Variants in ATXN7L1 observed in about 807,000 individuals in gnomAD.
ATXN7L1 encodes ataxin 7 like 1, also known as ataxin-7-like protein 1.
ATXN7L1 carries 15 observed loss-of-function variants against 70.8 expected under a neutral mutation model. The ratio of observed to expected loss-of-function variants is 0.21; its 90% CI spans 0.14 to 0.33. ATXN7L1 has a LOEUF of 0.33. Ranked by LOEUF, ATXN7L1 falls within the 10% of genes least tolerant of loss-of-function variation. The probability of loss-of-function intolerance (pLI) is 1.00; values close to 1 mark genes in which losing one functional copy is unlikely to be tolerated. For synonymous variants in ATXN7L1, 440 were observed against 445.1 expected (o/e 0.99, Z 0.14); for missense variants, 975 against 1,097.1 (o/e 0.89, Z 1.57).
At chr7:105,676,344 T>C (rs570487510) in intron 3 of ATXN7L1, among the ~76,000 whole-genome samples, 1 of 151,314 alleles carries the variant, frequency 6.6e-6, no homozygotes, top group East Asian at 1.9e-4. Flanking sequence ...AACACAGGAG[T>C]CACCACAGCT....
At chr7:105,782,929 A>T (rs1803746636) in intron 3 of ATXN7L1, among the ~76,000 whole-genome samples, 1 of 152,234 alleles carries the variant, frequency 6.6e-6, no homozygotes, top group Non-Finnish European at 1.5e-5. Flanking sequence ...CACTTGACTG[A>T]ATTGGTTTTC....
intron 2 of ATXN7L1, among the ~76,000 whole-genome samples, chr7:105,849,954 C>G (rs1814633111): frequency 6.6e-6 from 1 of 152,204 alleles, no homozygotes; most frequent in South Asian, 2.1e-4. Context: ...TTCCTTGATA[C>G]TCTATTTTTG....
intron 3 of ATXN7L1, among the ~76,000 whole-genome samples, chr7:105,685,581 C>A (rs1806083720): frequency 6.6e-6 from 1 of 152,192 alleles, no homozygotes; most frequent in South Asian, 2.1e-4. Context: ...AGTGGGTCTT[C>A]CTACCATATT....
At chr7:105,609,467 TA>T (rs1035918239) in intron 11 of ATXN7L1, among the ~76,000 whole-genome samples, 90 of 148,600 alleles carry the variant, frequency 6.1e-4, no homozygotes, top group African/African-American at 2.2e-3. Flanking sequence ...ATGCCTGGCC[TA>T]AAAAAAATTT....
At chr7:105,854,872 CTCA>C (rs1248463637) in intron 2 of ATXN7L1, among the ~76,000 whole-genome samples, 2 of 152,040 alleles carry the variant, frequency 1.3e-5, no homozygotes, top group Non-Finnish European at 2.9e-5. Flanking sequence ...GAATATAAAA[CTCA>C]TCATTTCCAA....
At chr7:105,691,652 T>C (rs1166487685) in intron 3 of ATXN7L1, 1 of 101,940 alleles carries the variant, frequency 9.8e-6, no homozygotes, top group African/African-American at 4.3e-5. Context: ...TTAGCACGGA[T>C]GTCAGTAAAA....
chr7:105,676,115 C>G (rs1222643572), intron 3 of ATXN7L1, among the ~76,000 whole-genome samples: 1 of 152,152 alleles, frequency 6.6e-6, no homozygotes, highest in Admixed American at 6.5e-5. Context: ...AGGCAAGCTG[C>G]TGCCCGAAGG....
chr7:105,619,139 A>ATTTTTTTTTTTTTTTTTTTT (rs1794365463), intron 9 of ATXN7L1, among the ~76,000 whole-genome samples: 3 of 23,578 alleles, frequency 1.3e-4, no homozygotes, highest in Admixed American at 5.0e-4. Flanking sequence ...TGAAATCTTT[A>ATTTTTTTTTTTTTTTTTTTT]GTTTTTTTTT....
chr7:105,874,530 C>G (rs1818739292), intron 2 of ATXN7L1, among the ~76,000 whole-genome samples: 1 of 152,216 alleles, frequency 6.6e-6, no homozygotes, highest in African/African-American at 2.4e-5. Flanking sequence ...CCTGAAGACA[C>G]CTGTCAAGAT....
intron 7 of ATXN7L1, among the ~76,000 whole-genome samples, chr7:105,625,816 T>A (rs117599290): frequency 0.026 from 3,944 of 151,514 alleles, 71 homozygotes; most frequent in South Asian, 0.043. Context: ...AGCAGAAGAG[T>A]TAGATGAGGA....
chr7:105,815,580 G>C (rs962559819), intron 2 of ATXN7L1, among the ~76,000 whole-genome samples: 1 of 152,198 alleles, frequency 6.6e-6, no homozygotes, highest in African/African-American at 2.4e-5. Context: ...TATTCAGACT[G>C]AGGGAAGGAC....
chr7:105,867,085 A>G (rs1455265268), intron 2 of ATXN7L1, among the ~76,000 whole-genome samples: 1 of 152,226 alleles, frequency 6.6e-6, no homozygotes, highest in African/African-American at 2.4e-5. Context: ...CAGAGACGGC[A>G]GGCCCCTGGG....
chr7:105,790,606 T>TC (rs1320463571), intron 2 of ATXN7L1, among the ~76,000 whole-genome samples: 31 of 133,658 alleles, frequency 2.3e-4, no homozygotes, highest in Admixed American at 1.3e-3. Context: ...AAGAAAAAAA[T>TC]TATCTATCTA....
intron 3 of ATXN7L1, among the ~76,000 whole-genome samples, chr7:105,687,203 G>C (rs747717901): frequency 4.6e-5 from 7 of 152,166 alleles, no homozygotes; most frequent in Non-Finnish European, 7.4e-5. Flanking sequence ...ATGCATGAGG[G>C]GAATAAACTC....
chr7:105,796,228 T>G (rs1420816749), intron 2 of ATXN7L1, among the ~76,000 whole-genome samples: 1 of 152,166 alleles, frequency 6.6e-6, no homozygotes. Flanking sequence ...GTGGGCGTGG[T>G]CGTGCGCACC....
At chr7:105,822,685 T>C (rs1489403463) in intron 2 of ATXN7L1, among the ~76,000 whole-genome samples, 7 of 152,214 alleles carry the variant, frequency 4.6e-5, no homozygotes, top group African/African-American at 1.7e-4. Context: ...ATTATCACTT[T>C]ACAAATGAGG....
At chr7:105,834,480 G>A (rs575911776) in intron 2 of ATXN7L1, among the ~76,000 whole-genome samples, 36 of 152,306 alleles carry the variant, frequency 2.4e-4, no homozygotes, top group Admixed American at 2.0e-3. Flanking sequence ...CAACAACAGA[G>A]TAATGAAAAT....
intron 2 of ATXN7L1, among the ~76,000 whole-genome samples, chr7:105,845,468 C>G (rs1388640075): frequency 2.4e-5 from 3 of 122,572 alleles, no homozygotes; most frequent in South Asian, 2.6e-4. Context: ...GGTTTGCATT[C>G]TCTAAACTGA....
At chr7:105,872,951 G>A (rs898464047) in intron 2 of ATXN7L1, among the ~76,000 whole-genome samples, 1 of 151,658 alleles carries the variant, frequency 6.6e-6, no homozygotes, top group Admixed American at 6.6e-5. Flanking sequence ...TCAGGAGATC[G>A]AGACCATCCT....
Sources: allele counts gnomAD v4.1 joint callset (sites outside exome capture counted in the v4.1 genomes callset), GRCh38; gene constraint gnomAD v4.1.1; transcripts MANE v1.5; gene names NCBI Gene and HGNC (gene_info 2026-07-23, HGNC 2026-07-21).